PEX3: variants seen among roughly 807,000 people sequenced by gnomAD.
The protein encoded by PEX3 is peroxisomal biogenesis factor 3.
A neutral mutation model predicts 55.8 loss-of-function variants in PEX3; 30 were observed. That is an observed-to-expected ratio of 0.54 (90% CI 0.40 to 0.73). PEX3 has a LOEUF of 0.73. Among genes scored for constraint, PEX3 ranks in the 30% least tolerant of loss-of-function variants. The pLI, the probability that PEX3 is intolerant of heterozygous loss-of-function variation, is 0.00. For missense variants in PEX3, 351 were observed against 432.8 expected (o/e 0.81, Z 1.68); for synonymous variants, 135 against 148.4 (o/e 0.91, Z 0.66).
In PEX3 at chr6:143,476,604, G is replaced by C. The variant is rs1457191283; in HGVS notation, c.818+1748G>C. Among the ~76,000 whole-genome samples, 2 of 152,200 alleles carry C rather than the reference G, an allele frequency of 1.3e-5. No homozygotes were observed. Among genetic ancestry groups the C allele is most frequent in the East Asian group, 3.8e-4 (2 of 5,196 alleles). ...GGCTAAATAATAGATTTATTTTTAA[G>C]GTTGAACCAGTAGTACTTGTGGAAT... On this transcript the variant is annotated intron_variant, in intron 9 of 11. Coordinates refer to ENST00000367591, the MANE Select transcript of PEX3 (RefSeq NM_003630.3). This position sits in a 1 kb window ranked among gnomAD's most constrained non-coding sequence, Gnocchi z 5.4.
Position 143,489,430 on chromosome 6 carries a change from G to T in PEX3, c.*204G>T. Reference sequence around the variant, plus strand: ...TTCATCAACAGACCAGTTTTTGTGGGCATATATATATACACGTGCAAATAT... The same window carrying T: ...TTCATCAACAGACCAGTTTTTGTGGTCATATATATATACACGTGCAAATAT... On this transcript the variant is annotated 3_prime_UTR_variant, in exon 12 of 12. Coordinates refer to ENST00000367591, the MANE Select transcript of PEX3 (RefSeq NM_003630.3). The surrounding 1 kb of genome is among the most constrained non-coding windows in gnomAD (Gnocchi z 5.5). The T allele has an allele frequency of 2.2e-6, 1 of 464,868 alleles. No homozygotes were observed. Among genetic ancestry groups the T allele is most frequent in the Non-Finnish European group, 3.9e-6 (1 of 256,408 alleles). The allele number at this position is 464,868 out of a possible 1,614,324, so 28.8% of individuals were successfully genotyped here. A position where few individuals can be genotyped will look rare whatever the true frequency, so the allele number is the denominator to read the frequency against.
chr6:143,478,081 A>G (rs1049906737), intron 9 of PEX3, among the ~76,000 whole-genome samples: 1 of 152,198 alleles, frequency 6.6e-6, no homozygotes, highest in Non-Finnish European at 1.5e-5. Context: ...ATGGAGCCCT[A>G]TGTAGCAAAA....
intron 9 of PEX3, among the ~76,000 whole-genome samples, chr6:143,477,308 T>C (rs1780167144): frequency 6.6e-6 from 1 of 152,212 alleles, no homozygotes; most frequent in Admixed American, 6.5e-5. Context: ...CTAAACTCCA[T>C]GAGACGAGTA....
Position 143,471,707 on chromosome 6 carries a change from T to C in PEX3, c.578+96T>C. On this transcript the variant is annotated intron_variant, in intron 7 of 11. Transcript: ENST00000367591. This position sits in a 1 kb window ranked among gnomAD's most constrained non-coding sequence, Gnocchi z 5.4. ...GTGAAACCAGTGACTTGACAAACGG[T>C]GATTTGTGAAACTCTTTGTAATAAA... is the stretch of plus-strand genomic sequence containing the variant. The C allele has an allele frequency of 1.1e-6, 1 of 880,900 alleles. No individual in the cohort carries two copies. 54.6% of individuals were successfully genotyped at this position (880,900 alleles called of 1,614,324 possible).
chr6:143,488,986 G>T lies in PEX3; in HGVS notation c.1039-157G>T, dbSNP rs1375311133. ...GAACCTAAATAATAACTATCTCCTA[G>T]AATTTATTACAAGAAAAACTACTCA... On this transcript the variant is annotated intron_variant, in intron 11 of 11. Transcript: ENST00000367591. The surrounding 1 kb of genome is among the most constrained non-coding windows in gnomAD (Gnocchi z 4.9). Among the ~76,000 whole-genome samples the T allele has an allele frequency of 1.3e-5, 2 of 152,014 alleles. No individual in the cohort carries two copies. Among genetic ancestry groups the T allele is most frequent in the Non-Finnish European group, 2.9e-5 (2 of 67,974 alleles).
At chr6:143,457,314 A>G (rs898274398) in intron 1 of PEX3, among the ~76,000 whole-genome samples, 1 of 152,202 alleles carries the variant, frequency 6.6e-6, no homozygotes, top group Non-Finnish European at 1.5e-5. Flanking sequence ...AGTACAGGAA[A>G]GGTAGCCATG....
intron 1 of PEX3, among the ~76,000 whole-genome samples, chr6:143,455,637 T>G (rs1200447744): frequency 2.0e-5 from 3 of 152,134 alleles, no homozygotes; most frequent in African/African-American, 7.2e-5. Flanking sequence ...TGAAGGATTC[T>G]AAAAACATGA....
intron 4 of PEX3, among the ~76,000 whole-genome samples, chr6:143,469,911 T>C (rs921508103): frequency 1.3e-5 from 2 of 152,182 alleles, no homozygotes; most frequent in African/African-American, 4.8e-5. Context: ...AAAACAAACC[T>C]TTCTAGTTCC....
Position 143,463,050 on chromosome 6 carries a change from G to A in PEX3, c.287+53G>A, listed in dbSNP as rs754709725. The A allele has an allele frequency of 1.6e-6, 2 of 1,259,720 alleles. No individual in the cohort carries two copies. The highest frequency in any genetic ancestry group is 3.4e-5 in the Admixed American group (2 of 58,640). The allele number at this position is 1,259,720 out of a possible 1,614,324, so 78.0% of individuals were successfully genotyped here. ...TTAAGCACTACACTTAAAGTTTATA[G>A]AATGAACTGATAGACTTTTCAAAAA... On this transcript the variant is annotated intron_variant, in intron 3 of 11. Coordinates refer to ENST00000367591, the MANE Select transcript of PEX3 (RefSeq NM_003630.3). The surrounding 1 kb of genome is among the most constrained non-coding windows in gnomAD (Gnocchi z 5.7).
intron 4 of PEX3, among the ~76,000 whole-genome samples, chr6:143,469,172 A>C (rs1311313818): frequency 6.6e-6 from 1 of 152,172 alleles, no homozygotes; most frequent in Admixed American, 6.5e-5. Context: ...ATGATTTATA[A>C]TCCTTTAGGT....
In PEX3 at chr6:143,454,345, GT is replaced by G. The variant is rs1779814410; in HGVS notation, c.73+3231del. 6.6e-6 allele frequency among the ~76,000 whole-genome samples: 1 copy of G among 152,302 alleles called. No homozygotes were observed. Among genetic ancestry groups the G allele is most frequent in the Admixed American group, 6.5e-5 (1 of 15,288 alleles). On this transcript the variant is annotated intron_variant, in intron 1 of 11. Coordinates refer to ENST00000367591, the MANE Select transcript of PEX3 (RefSeq NM_003630.3). The surrounding 1 kb of genome is among the most constrained non-coding windows in gnomAD (Gnocchi z 4.3). The stretch of plus-strand genomic sequence containing the variant: ...TGAAATGGTCTTAAAGACCCCAGGG[GT>G]GCCCATGCCACACTTTGAGAACCAT...
In PEX3 at chr6:143,489,010, C is replaced by G. The variant is rs1487888754; in HGVS notation, c.1039-133C>G. 1.1e-5 allele frequency: 7 copies of G among 652,162 alleles called. No homozygotes were observed. The East Asian group carries it at 1.9e-4, about 18-fold the overall frequency. The allele number at this position is 652,162 out of a possible 1,614,324, so 40.4% of individuals were successfully genotyped here. ...AGAATTTATTACAAGAAAAACTACT[C>G]ATTTTCTTAAATGGTTTGCCTCTTG... On this transcript the variant is annotated intron_variant, in intron 11 of 11. Transcript: ENST00000367591. This position sits in a 1 kb window ranked among gnomAD's most constrained non-coding sequence, Gnocchi z 5.5.
chr6:143,473,971 A>G (rs1780112805), intron 8 of PEX3, among the ~76,000 whole-genome samples: 1 of 151,996 alleles, frequency 6.6e-6, no homozygotes, highest in Admixed American at 6.6e-5. Flanking sequence ...TACAAAAAAA[A>G]AAAAAATGAA....
rs188572435 is a variant in PEX3 at position 143,486,297 on chromosome 6, C to G, written c.1038+1049C>G. ...CATAACTTGGGGCATTTAAACCTTA[C>G]CTTTACCTTTGTCCTCTTCTGTAGA... On this transcript the variant is annotated intron_variant, in intron 11 of 11. Transcript: ENST00000367591. This position sits in a 1 kb window ranked among gnomAD's most constrained non-coding sequence, Gnocchi z 5.0. Among the ~76,000 whole-genome samples the G allele has an allele frequency of 2.6e-5, 4 of 152,218 alleles. No individual in the cohort carries two copies. In the East Asian group the frequency reaches 7.7e-4, roughly 29 times the overall value.
At position 143,459,605 on chromosome 6, in the gene PEX3, G is replaced by A. The variant is rs1779892434; in HGVS notation, c.205+389G>A. Among the ~76,000 whole-genome samples the A allele has an allele frequency of 6.6e-6, 1 of 152,148 alleles. No individual in the cohort carries two copies. Among genetic ancestry groups the A allele is most frequent in the South Asian group, 2.1e-4 (1 of 4,822 alleles). ...GAACGTTCTTTAAGACAGGGGATCAGTAGAGTCAGGTTTCTTTGAGGTAAC... is the reference window on the plus strand; with the variant it reads ...GAACGTTCTTTAAGACAGGGGATCAATAGAGTCAGGTTTCTTTGAGGTAAC... On this transcript the variant is annotated intron_variant, in intron 2 of 11. Transcript: ENST00000367591. The surrounding 1 kb of genome is among the most constrained non-coding windows in gnomAD (Gnocchi z 4.2).
Position 143,456,113 on chromosome 6 carries a change from C to A in PEX3, c.74-2972C>A, listed in dbSNP as rs185105005. Among the ~76,000 whole-genome samples the A allele has an allele frequency of 1.9e-3, 285 of 152,238 alleles. 8 individuals are homozygous for A. The highest frequency in any genetic ancestry group is 6.2e-4 in the Non-Finnish European group (42 of 68,010). ...TATTTTCATTGTTAATACATAAAGT[C>A]ATAGCTACAAAAGAAACATTAAAGC... is the stretch of plus-strand genomic sequence containing the variant. On this transcript the variant is annotated intron_variant, in intron 1 of 11. Transcript: ENST00000367591.
rs1243981812 is a variant in PEX3, at chr6:143,451,037, C to G, written c.-6C>G. 6.2e-7 allele frequency: 1 copy of G among 1,608,888 alleles called. No homozygotes were observed. The highest frequency in any genetic ancestry group is 8.5e-7 in the Non-Finnish European group (1 of 1,175,290). On this transcript the variant is annotated 5_prime_UTR_variant, in exon 1 of 12. Coordinates refer to ENST00000367591, the MANE Select transcript of PEX3 (RefSeq NM_003630.3). The surrounding 1 kb of genome is among the most constrained non-coding windows in gnomAD (Gnocchi z 4.1). ...CCTAGTCAGCCCACACCCCTAGGGC[C>G]TAAAGATGCTGAGGTCTGTATGGAA...
intron 10 of PEX3, among the ~76,000 whole-genome samples, chr6:143,484,114 A>G (rs1780281115): frequency 6.6e-6 from 1 of 152,142 alleles, no homozygotes; most frequent in South Asian, 2.1e-4. Flanking sequence ...CTAGGTTGAA[A>G]TGTATGAGAT....
chr6:143,470,906 A>G, intron 4 of PEX3, 55 bp from the exon 5 acceptor site: 1 of 1,528,670 alleles, frequency 6.5e-7, no homozygotes, highest in Non-Finnish European at 9.0e-7. Flanking sequence ...ATGGTTCATG[A>G]TTTTACACAT....
Sources: allele counts gnomAD v4.1 joint callset (sites outside exome capture counted in the v4.1 genomes callset), GRCh38; gene constraint gnomAD v4.1.1; non-coding constraint Gnocchi (gnomAD v3.1); transcripts MANE v1.5; gene names NCBI Gene and HGNC (gene_info 2026-07-23, HGNC 2026-07-21).